The following ABCA13 variants were observed in gnomAD, a reference collection of about 807,000 sequenced individuals.
The protein encoded by ABCA13 is ATP-binding cassette sub-family A member 13.
ABCA13 carries 476 observed loss-of-function variants against 478.7 expected under a neutral mutation model. That is an observed-to-expected ratio of 0.99 (90% CI 0.92 to 1.07). ABCA13 has a LOEUF of 1.07. Among genes scored for constraint, ABCA13 ranks in the 50% least tolerant of loss-of-function variants. ABCA13 has a pLI of 0.00. For synonymous variants in ABCA13, 2,252 were observed against 2,158.9 expected (o/e 1.04, Z -1.20); for missense variants, 6,060 against 5,910.6 (o/e 1.03, Z -0.83).
intron 7 of ABCA13, 128 bp from the exon 8 acceptor site, chr7:48,233,890 C>T: frequency 1.0e-6 from 1 of 1,004,132 alleles, no homozygotes. Context: ...TATCTGATGC[C>T]CCAGTGGTGT....
chr7:48,352,691 A>G (rs1401146440), intron 31 of ABCA13, among the ~76,000 whole-genome samples: 3 of 152,118 alleles, frequency 2.0e-5, no homozygotes, highest in Admixed American at 6.5e-5. Flanking sequence ...GAGATAATAC[A>G]ATCAAGTGAA....
chr7:48,613,358 T>A (rs2131554209), intron 58 of ABCA13, among the ~76,000 whole-genome samples: 1 of 152,124 alleles, frequency 6.6e-6, no homozygotes. Flanking sequence ...CTGGCTAAAT[T>A]TTTGTACTTT....
intron 42 of ABCA13, among the ~76,000 whole-genome samples, chr7:48,434,702 T>A (rs1822591084): frequency 6.6e-6 from 1 of 151,968 alleles, no homozygotes; most frequent in Non-Finnish European, 1.5e-5. Flanking sequence ...GTATGGTAGG[T>A]GTCCATTTTT....
At position 48,410,398 on chromosome 7, in the gene ABCA13, A is replaced by G. The variant is rs547025828; in HGVS notation, c.12071-122A>G. The stretch of plus-strand genomic sequence containing the variant: ...GCCAGGACGCATTTCAATTTTTTTC[A>G]GTTTGAAAATTGGTGAGGATCTTTA... On this transcript the variant is annotated intron_variant, in intron 39 of 61. Transcript: ENST00000435803. 7.1e-6 allele frequency: 9 copies of G among 1,260,578 alleles called. No homozygotes were observed. In the East Asian group the frequency reaches 2.1e-4, roughly 30 times the overall value. 78.1% of individuals were successfully genotyped at this position (1,260,578 alleles called of 1,614,324 possible). A position where few individuals can be genotyped will look rare whatever the true frequency, so the allele number is the denominator to read the frequency against.
At chr7:48,490,224 A>G (rs1194339605) in intron 48 of ABCA13, among the ~76,000 whole-genome samples, 2 of 152,256 alleles carry the variant, frequency 1.3e-5, no homozygotes, top group Non-Finnish European at 2.9e-5. Context: ...TAAGAGAAGT[A>G]CAAAAATAGT....
chr7:48,279,572 T>G lies in ABCA13; in HGVS notation c.8378T>G (p.Leu2793Trp), dbSNP rs1391861396. Residue 2793 changes from leucine to tryptophan, a missense_variant, in exon 18 of 62, where the codon TTG (leucine) becomes TGG (tryptophan). Physicochemically the swap from Leu to Trp is moderately conservative, Grantham distance 61. Transcript: ENST00000435803. The part of the protein sequence containing the change: ...SGIKSDYEGD[L>W]NKSLYFDTPL... ...ATTAAAAGTGACTATGAAGGTGATT[T>G]GAATAAAAGTTTATATTTTGACACA... 2 of 1,613,378 alleles carry G rather than the reference T, an allele frequency of 1.2e-6. No homozygotes were observed. The highest frequency in any genetic ancestry group is 1.7e-6 in the Non-Finnish European group (2 of 1,179,628).
chr7:48,633,712 A>C (rs1339713404), intron 59 of ABCA13, among the ~76,000 whole-genome samples: 1 of 134,144 alleles, frequency 7.5e-6, no homozygotes, highest in Non-Finnish European at 1.6e-5. Flanking sequence ...CTCTTTCTCT[A>C]CTAAAAAAAA....
intron 18 of ABCA13, 26 bp downstream of exon 18, chr7:48,279,946 G>T (rs1451209692): frequency 6.7e-7 from 1 of 1,497,936 alleles, no homozygotes; most frequent in African/African-American, 1.4e-5. Context: ...AATTCACTTT[G>T]TTTTTTTCTC....
intron 2 of ABCA13, among the ~76,000 whole-genome samples, chr7:48,197,753 T>C (rs1211043617): frequency 6.6e-6 from 1 of 152,102 alleles, no homozygotes; most frequent in Non-Finnish European, 1.5e-5. Context: ...GTGTAGACAA[T>C]TTTTTTGTAT....
intron 59 of ABCA13, among the ~76,000 whole-genome samples, chr7:48,628,994 T>C (rs537922130): frequency 6.6e-6 from 1 of 152,346 alleles, no homozygotes; most frequent in African/African-American, 2.4e-5. Flanking sequence ...TTTACTCTGA[T>C]GCCATTTATC....
intron 35 of ABCA13, among the ~76,000 whole-genome samples, chr7:48,377,162 C>G (rs1813613206): frequency 6.6e-6 from 1 of 150,466 alleles, no homozygotes; most frequent in Non-Finnish European, 1.5e-5. Context: ...CAGGCATGCC[C>G]CAGAGTCTGG....
At chr7:48,476,441 C>T (rs570919400) in intron 45 of ABCA13, among the ~76,000 whole-genome samples, 1 of 151,448 alleles carries the variant, frequency 6.6e-6, no homozygotes, top group African/African-American at 2.4e-5. Context: ...GAGCAGAAAG[C>T]AATTCCGCTG....
rs1439289609 is a variant in ABCA13, at chr7:48,647,133, G to A, written c.*1621G>A. ...TTTTCAACACTAACGTTGAGTACCG[G>A]TAGCTTGTGATCAAAGGCATATACT... On this transcript the variant is annotated 3_prime_UTR_variant, in exon 62 of 62. Transcript: ENST00000435803. The A allele has an allele frequency of 2.6e-5, 4 of 152,120 alleles. No homozygotes were observed. The highest frequency in any genetic ancestry group is 4.4e-5 in the Non-Finnish European group (3 of 68,036). The allele number at this position is 152,120 out of a possible 1,614,324, so 9.4% of individuals were successfully genotyped here.
At chr7:48,462,896 A>C (rs1386313327) in intron 43 of ABCA13, among the ~76,000 whole-genome samples, 2 of 152,084 alleles carry the variant, frequency 1.3e-5, no homozygotes, top group African/African-American at 4.8e-5. Flanking sequence ...AGCACATCTC[A>C]TGTTAGGGTC....
At chr7:48,388,287 A>G (rs1815495800) in intron 36 of ABCA13, among the ~76,000 whole-genome samples, 1 of 152,254 alleles carries the variant, frequency 6.6e-6, no homozygotes, top group Non-Finnish European at 1.5e-5. Flanking sequence ...AATATGTGTA[A>G]GAAATAAAAG....
At chr7:48,620,700 T>G (rs1793053927) in intron 59 of ABCA13, among the ~76,000 whole-genome samples, 1 of 152,076 alleles carries the variant, frequency 6.6e-6, no homozygotes, top group African/African-American at 2.4e-5. Context: ...CCAAAAACAT[T>G]AGGCAGTCAA....
intron 44 of ABCA13, among the ~76,000 whole-genome samples, chr7:48,467,965 TTAAC>T (rs1827063003): frequency 6.6e-6 from 1 of 152,200 alleles, no homozygotes; most frequent in Admixed American, 6.5e-5. Context: ...AGTAATTTAT[TTAAC>T]TAAAACTTCA....
Position 48,387,944 on chromosome 7 carries a change from A to G in ABCA13, c.11458A>G (p.Asn3820Asp), listed in dbSNP as rs747206237. The G allele has an allele frequency of 1.2e-6, 2 of 1,608,732 alleles. No individual in the cohort carries two copies. The highest frequency in any genetic ancestry group is 8.5e-7 in the Non-Finnish European group (1 of 1,178,476). Reference sequence around the variant, plus strand: ...TTCTAGTCTGTTCTTCTTCAATGAGAACTTTGACAATAAAGGTTTGTAAGG... The same window carrying G: ...TTCTAGTCTGTTCTTCTTCAATGAGGACTTTGACAATAAAGGTTTGTAAGG... ...LSSSLFFFNE[N>D]FDNKGSSLQN... The change falls in exon 36 of 62, where the codon AAC becomes GAC. Residue 3820 changes from asparagine (N) to aspartate (D), a missense_variant. Physicochemically the swap from Asn to Asp is conservative, Grantham distance 23. Coordinates refer to ENST00000435803, the MANE Select transcript of ABCA13 (RefSeq NM_152701.5).
chr7:48,336,690 A>G (rs1806316897), intron 28 of ABCA13, among the ~76,000 whole-genome samples: 1 of 152,208 alleles, frequency 6.6e-6, no homozygotes, highest in South Asian at 2.1e-4. Context: ...TTCAGAGTGC[A>G]GCAGTGGGCC....
Sources: gnomAD v4.1 joint callset for allele counts (sites outside exome capture counted in the v4.1 genomes callset) on GRCh38, gnomAD v4.1.1 for gene constraint, MANE v1.5 for transcripts, NCBI Gene and HGNC (gene_info 2026-07-23, HGNC 2026-07-21) for gene names.